The following NDUFAF5 variants were observed in gnomAD, a reference collection of about 807,000 sequenced individuals.
NDUFAF5 encodes arginine-hydroxylase NDUFAF5, mitochondrial.
NDUFAF5 carries 34 observed loss-of-function variants against 48.9 expected under a neutral mutation model. The ratio of observed to expected loss-of-function variants is 0.70; its 90% CI spans 0.53 to 0.93. NDUFAF5 has a LOEUF of 0.93. Among genes scored for constraint, NDUFAF5 ranks in the 40% least tolerant of loss-of-function variants. NDUFAF5 has a pLI of 0.00. For missense variants in NDUFAF5, 428 were observed against 427.5 expected (o/e 1.00, Z -0.01); for synonymous variants, 153 against 150.6 (o/e 1.02, Z -0.12).
chr20:13,791,524 A>G (rs1365780722), intron 3 of NDUFAF5, among the ~76,000 whole-genome samples: 1 of 152,234 alleles, frequency 6.6e-6, no homozygotes, highest in Non-Finnish European at 1.5e-5. Context: ...CTGCAATTGT[A>G]CTTAGGGTTG....
At position 13,794,859 on chromosome 20, in the gene NDUFAF5, A is replaced by G. The variant is rs1568754997; in HGVS notation, c.397A>G (p.Ile133Val). The G allele has an allele frequency of 6.2e-7, 1 of 1,611,170 alleles. No individual in the cohort carries two copies. The highest frequency in any genetic ancestry group is 8.5e-7 in the Non-Finnish European group (1 of 1,177,320). ...NALKNSSETEIPTVSVLADEE... is the reference protein window; with the variant it reads ...NALKNSSETEVPTVSVLADEE... ...TTAGAAAAATTCCTCAGAAACAGAA[A>G]TACCTACTGTCAGCGTTTTAGCTGA... Residue 133 changes from isoleucine (I) to valine (V), a missense_variant, in exon 5 of 11, where the codon ATA becomes GTA. Ile to Val is a conservative substitution (Grantham distance 29). Transcript: ENST00000378106.
chr20:13,792,482 T>TA (rs1568751012), intron 3 of NDUFAF5, among the ~76,000 whole-genome samples: 2 of 152,134 alleles, frequency 1.3e-5, no homozygotes, highest in Non-Finnish European at 2.9e-5. Flanking sequence ...AGCAAAGAGA[T>TA]ACCCAGAATG....
rs894164297 is a variant in NDUFAF5, at chr20:13,817,746, G to A, written c.*536G>A. 1.3e-5 allele frequency: 6 copies of A among 454,054 alleles called. No individual in the cohort carries two copies. Among genetic ancestry groups the A allele is most frequent in the Non-Finnish European group, 2.6e-5 (6 of 226,792 alleles). 28.1% of individuals were successfully genotyped at this position (454,054 alleles called of 1,614,324 possible). A position where few individuals can be genotyped will look rare whatever the true frequency, so the allele number is the denominator to read the frequency against. On this transcript the variant is annotated 3_prime_UTR_variant, in exon 11 of 11. Transcript: ENST00000378106. Reference sequence around the variant, plus strand: ...GTTTTACACCCCACCCTACCTTAGGGAAGAAGAAAACATTTTAAAGAATAC... The same window carrying A: ...GTTTTACACCCCACCCTACCTTAGGAAAGAAGAAAACATTTTAAAGAATAC...
At chr20:13,786,048 T>C (rs1981041596) in intron 1 of NDUFAF5, among the ~76,000 whole-genome samples, 2 of 152,332 alleles carry the variant, frequency 1.3e-5, no homozygotes, top group South Asian at 4.1e-4. Flanking sequence ...ATTTCTGATT[T>C]GTCTTGGCTC....
intron 8 of NDUFAF5, among the ~76,000 whole-genome samples, chr20:13,815,771 T>G (rs979649507): frequency 3.9e-5 from 6 of 152,186 alleles, no homozygotes; most frequent in African/African-American, 1.4e-4. Flanking sequence ...ATGCTCAAAG[T>G]AAATTTAAGT....
At chr20:13,803,182 T>C (rs552690693) in intron 7 of NDUFAF5, 1 of 152,312 alleles carries the variant, frequency 6.6e-6, no homozygotes, top group Non-Finnish European at 1.5e-5. Flanking sequence ...GGGCCCCTGA[T>C]GTTGGAAAGG....
At chr20:13,816,645 G>T in intron 9 of NDUFAF5, 99 bp downstream of exon 9, 2 of 976,330 alleles carry the variant, frequency 2.0e-6, no homozygotes, top group Non-Finnish European at 3.3e-6. Context: ...TTCCTGTTAA[G>T]GCTCCCTCAG....
At chr20:13,814,617 C>A in intron 8 of NDUFAF5, 1 of 558,838 alleles carries the variant, frequency 1.8e-6, no homozygotes, top group Non-Finnish European at 3.0e-6. Context: ...ACCTTAAAAA[C>A]ACTGTGAGAG....
At position 13,785,266 on chromosome 20, in the gene NDUFAF5, C is replaced by T; in HGVS notation, c.198C>T (p.Thr66=). 1 of 1,611,382 alleles carries T rather than the reference C, an allele frequency of 6.2e-7. No homozygotes were observed. The highest frequency in any genetic ancestry group is 8.5e-7 in the Non-Finnish European group (1 of 1,178,668). Residue 66 remains threonine (T), a synonymous_variant, in exon 1 of 11, where the codon ACC becomes ACT. Coordinates refer to ENST00000378106, the MANE Select transcript of NDUFAF5 (RefSeq NM_024120.5). ...GGGCAGCCCGGCAGCCCGAGCCGAC[C>T]AAATTTGACTACCTGAAGGAGGAGG... The part of the protein sequence containing the change: ...KNWAARQPEP[T]KFDYLKEEVG...
intron 8 of NDUFAF5, among the ~76,000 whole-genome samples, chr20:13,812,351 C>A (rs1463652680): frequency 1.3e-5 from 2 of 152,174 alleles, no homozygotes; most frequent in Non-Finnish European, 2.9e-5. Flanking sequence ...GTCACACACA[C>A]CCCTTCCCCA....
rs1057064347 is a variant in NDUFAF5, at chr20:13,785,425, C to G, written c.222+135C>G. 4.2e-6 allele frequency: 3 copies of G among 714,200 alleles called. No individual in the cohort carries two copies. In the Admixed American group the frequency reaches 8.0e-5, roughly 19 times the overall value. 44.2% of individuals were successfully genotyped at this position (714,200 alleles called of 1,614,324 possible). On this transcript the variant is annotated intron_variant, in intron 1 of 10. Coordinates refer to ENST00000378106, the MANE Select transcript of NDUFAF5 (RefSeq NM_024120.5). ...GACCAGCAGCCCTGCCTCTTTCGGC[C>G]TCTACTGTAATCACGCAAGGCCTGG...
In NDUFAF5 at chr20:13,818,882, T is replaced by C. The variant is rs77855659; in HGVS notation, c.*1672T>C. ...GTATAGAAACTAGGAGGGAGACTTG[T>C]ACTTTTCACTTTTTAAACTTCCTGT... On this transcript the variant is annotated 3_prime_UTR_variant, in exon 11 of 11. Transcript: ENST00000378106. The C allele has an allele frequency of 2.5e-3, 375 of 152,360 alleles. 1 individual carries two copies. Among genetic ancestry groups the C allele is most frequent in the African/African-American group, 8.6e-3 (357 of 41,562 alleles). 9.4% of individuals were successfully genotyped at this position (152,360 alleles called of 1,614,324 possible).
At chr20:13,801,883 T>A in intron 7 of NDUFAF5, 200 bp downstream of exon 7, 1 of 527,476 alleles carries the variant, frequency 1.9e-6, no homozygotes, top group East Asian at 3.2e-5. Flanking sequence ...GGTAGGAATG[T>A]ATAATTTTTT....
At chr20:13,801,741 C>A in intron 7 of NDUFAF5, 58 bp downstream of exon 7, 1 of 1,427,830 alleles carries the variant, frequency 7.0e-7, no homozygotes, top group Non-Finnish European at 9.9e-7. Context: ...AACTTCTTAT[C>A]ATTTTAAAGA....
intron 7 of NDUFAF5, among the ~76,000 whole-genome samples, chr20:13,805,050 C>G (rs988885105): frequency 1.3e-5 from 2 of 151,828 alleles, no homozygotes; most frequent in African/African-American, 4.8e-5. Flanking sequence ...TACAGTCTAC[C>G]CTCTTGAGAA....
At chr20:13,814,797 T>C (rs1488393656) in intron 8 of NDUFAF5, among the ~76,000 whole-genome samples, 1 of 152,150 alleles carries the variant, frequency 6.6e-6, no homozygotes, top group Non-Finnish European at 1.5e-5. Flanking sequence ...TCGATAGAGG[T>C]TGAATGACTT....
intron 3 of NDUFAF5, 39 bp downstream of exon 3, chr20:13,788,691 AC>A: frequency 7.5e-7 from 1 of 1,324,796 alleles, no homozygotes; most frequent in Non-Finnish European, 1.1e-6. Context: ...TTGAAAAGTA[AC>A]ATTGGCTAAT....
chr20:13,788,235 T>C (rs1981543930), intron 2 of NDUFAF5, among the ~76,000 whole-genome samples: 1 of 152,244 alleles, frequency 6.6e-6, no homozygotes, highest in African/African-American at 2.4e-5. Context: ...TAGGGATAAT[T>C]ATTGATAAGT....
chr20:13,785,406 C>A, intron 1 of NDUFAF5, 116 bp downstream of exon 1: 3 of 834,378 alleles, frequency 3.6e-6, no homozygotes, highest in Non-Finnish European at 5.6e-6. Flanking sequence ...CCTTGACCAG[C>A]AGCCCTGCCT....
Sources: allele counts gnomAD v4.1 joint callset (sites outside exome capture counted in the v4.1 genomes callset), GRCh38; gene constraint gnomAD v4.1.1; transcripts MANE v1.5; gene names NCBI Gene and HGNC (gene_info 2026-07-23, HGNC 2026-07-21).